SYNPO2: variants seen among roughly 807,000 people sequenced by gnomAD.
SYNPO2 encodes the protein synaptopodin 2, also known as synaptopodin-2.
In SYNPO2, 56 loss-of-function variants were observed where a neutral mutation model predicts 85.0. The observed-to-expected ratio is 0.66, with a 90% CI of 0.53 to 0.82. The LOEUF (loss-of-function observed/expected upper bound fraction) is 0.82, where lower values mean the gene tolerates loss of function less well. SYNPO2 is among the 40% of genes least tolerant of loss of function. The pLI is 0.00. For missense variants in SYNPO2, 1,575 were observed against 1,534.2 expected (o/e 1.03, Z -0.44); for synonymous variants, 602 against 591.1 (o/e 1.02, Z -0.27).
At chr4:118,987,262 C>T (rs1366481981) in intron 1 of SYNPO2, among the ~76,000 whole-genome samples, 1 of 152,040 alleles carries the variant, frequency 6.6e-6, no homozygotes, top group Non-Finnish European at 1.5e-5. Context: ...ATCGAATGTC[C>T]CAGCTAAGGA....
At chr4:118,999,746 A>C (rs1037513433) in intron 1 of SYNPO2, among the ~76,000 whole-genome samples, 2 of 152,182 alleles carry the variant, frequency 1.3e-5, no homozygotes, top group Non-Finnish European at 2.9e-5. Flanking sequence ...TGGGCTTTGC[A>C]GGATAAATCA....
At chr4:119,045,638 A>G (rs946312270) in intron 4 of SYNPO2, among the ~76,000 whole-genome samples, 2 of 152,216 alleles carry the variant, frequency 1.3e-5, no homozygotes, top group Admixed American at 6.5e-5. Context: ...TACTATTTAA[A>G]TCTTTTGAGG....
intron 1 of SYNPO2, among the ~76,000 whole-genome samples, chr4:118,862,688 T>C (rs1031604980): frequency 2.0e-5 from 3 of 152,260 alleles, no homozygotes; most frequent in African/African-American, 4.8e-5. Flanking sequence ...CATTTGGTCA[T>C]GATGAATGAT....
At chr4:118,986,747 A>G (rs1736236571) in intron 1 of SYNPO2, among the ~76,000 whole-genome samples, 1 of 152,136 alleles carries the variant, frequency 6.6e-6, no homozygotes. Flanking sequence ...TTACTTCCAC[A>G]TTGTTCCATC....
At chr4:119,037,674 T>A (rs936167807) in intron 4 of SYNPO2, 2 of 975,030 alleles carry the variant, frequency 2.1e-6, no homozygotes, top group African/African-American at 3.5e-5. Flanking sequence ...TTCTACTATA[T>A]GCAGGAACTG....
chr4:119,042,326 G>A (rs1353877078), intron 4 of SYNPO2: 1 of 152,000 alleles, frequency 6.6e-6, no homozygotes, highest in African/African-American at 2.4e-5. Flanking sequence ...ATATTTCTAG[G>A]GATAGAATAG....
At chr4:118,963,463 G>A (rs1490622459) in intron 1 of SYNPO2, among the ~76,000 whole-genome samples, 1 of 152,178 alleles carries the variant, frequency 6.6e-6, no homozygotes, top group African/African-American at 2.4e-5. Context: ...GACTTTTTAT[G>A]TATTTAGACT....
At chr4:118,920,288 G>C (rs192777846) in intron 1 of SYNPO2, among the ~76,000 whole-genome samples, 1 of 152,240 alleles carries the variant, frequency 6.6e-6, no homozygotes, top group Non-Finnish European at 1.5e-5. Context: ...TTTTTAGAGT[G>C]AGTTTGCTGA....
chr4:119,035,831 A>AAC (rs1553949151), intron 4 of SYNPO2: 2 of 984,800 alleles, frequency 2.0e-6, no homozygotes, highest in Non-Finnish European at 2.4e-6. Flanking sequence ...AAAAAAAAAA[A>AAC]AAAACACCTG....
intron 1 of SYNPO2, among the ~76,000 whole-genome samples, chr4:118,912,284 G>C (rs2149124452): frequency 6.6e-6 from 1 of 152,292 alleles, no homozygotes; most frequent in Non-Finnish European, 1.5e-5. Context: ...GGGCTCGAAT[G>C]AGCTTCCCAT....
intron 1 of SYNPO2, among the ~76,000 whole-genome samples, chr4:118,991,580 G>C (rs1736416095): frequency 6.6e-6 from 1 of 152,214 alleles, no homozygotes; most frequent in Admixed American, 6.5e-5. Flanking sequence ...GAAGTGATTA[G>C]ACTTTGGGAG....
intron 1 of SYNPO2, among the ~76,000 whole-genome samples, chr4:118,949,834 C>T (rs1301107516): frequency 1.3e-5 from 2 of 152,068 alleles, no homozygotes; most frequent in African/African-American, 2.4e-5. Context: ...GCTATCAAGT[C>T]GATCGTCATT....
chr4:118,960,498 G>C (rs566443148), intron 1 of SYNPO2, among the ~76,000 whole-genome samples: 3 of 152,170 alleles, frequency 2.0e-5, no homozygotes, highest in African/African-American at 7.2e-5. Flanking sequence ...TCCTGTGGCA[G>C]GAAACTAATA....
chr4:118,996,676 T>A (rs1011105056), intron 1 of SYNPO2, among the ~76,000 whole-genome samples: 13 of 151,246 alleles, frequency 8.6e-5, no homozygotes, highest in African/African-American at 2.7e-4. Context: ...GCTAACATGG[T>A]GAAACCCCAT....
At chr4:118,892,480 C>T (rs1732408487) in intron 1 of SYNPO2, among the ~76,000 whole-genome samples, 1 of 152,078 alleles carries the variant, frequency 6.6e-6, no homozygotes. Context: ...GATAGCTTTA[C>T]AAAAAGAATG....
chr4:119,023,165 C>G (rs1737804886), intron 1 of SYNPO2, among the ~76,000 whole-genome samples: 1 of 152,062 alleles, frequency 6.6e-6, no homozygotes, highest in South Asian at 2.1e-4. Context: ...CTGTCTGGTA[C>G]CTTTACATTG....
rs150492020 is a variant in SYNPO2 at position 118,866,732 on chromosome 4, T to G, written c.12+15792T>G. Among the ~76,000 whole-genome samples the G allele has an allele frequency of 4.1e-3, 617 of 152,244 alleles. 5 individuals are homozygous for G. Among genetic ancestry groups the G allele is most frequent in the African/African-American group, 0.014 (583 of 41,538 alleles). Reference sequence around the variant, plus strand: ...CTGGTTGTTTGAAACTGTGCAGCACTTCCCCCTTCACTCTTTCTCTCTCCC... The same window carrying G: ...CTGGTTGTTTGAAACTGTGCAGCACGTCCCCCTTCACTCTTTCTCTCTCCC... On this transcript the variant is annotated intron_variant, in intron 1 of 4. Transcript: ENST00000610556.
chr4:119,045,176 TAGC>T (rs1412688075), intron 4 of SYNPO2, among the ~76,000 whole-genome samples: 19 of 152,238 alleles, frequency 1.2e-4, no homozygotes, highest in Admixed American at 4.6e-4. Context: ...CCACTTCAAA[TAGC>T]AGTCACATAA....
intron 1 of SYNPO2, among the ~76,000 whole-genome samples, chr4:118,935,160 C>T (rs142476006): frequency 6.8e-4 from 103 of 152,174 alleles, no homozygotes; most frequent in African/African-American, 2.3e-3. Context: ...TTCCATGATA[C>T]GGACATAGAG....
Sources: allele counts gnomAD v4.1 joint callset (sites outside exome capture counted in the v4.1 genomes callset), GRCh38; gene constraint gnomAD v4.1.1; transcripts MANE v1.5; gene names NCBI Gene and HGNC (gene_info 2026-07-23, HGNC 2026-07-21).